Variants in UBE2G2 observed in about 807,000 individuals in gnomAD.
UBE2G2 encodes the protein ubiquitin-conjugating enzyme E2 G2.
UBE2G2 carries 10 observed loss-of-function variants against 23.0 expected under a neutral mutation model. The ratio of observed to expected loss-of-function variants is 0.43; its 90% confidence interval spans 0.27 to 0.74. UBE2G2 has a LOEUF of 0.74. Among genes scored for constraint, UBE2G2 ranks in the 30% least tolerant of loss-of-function variants. UBE2G2 has a pLI of 0.19. For missense variants in UBE2G2, 150 were observed against 218.3 expected (o/e 0.69, Z 1.97); for synonymous variants, 86 against 81.3 (o/e 1.06, Z -0.31).
At chr21:44,774,362 C>T (rs1569293013) in intron 4 of UBE2G2, 2 of 163,414 alleles carry the variant, frequency 1.2e-5, no homozygotes, top group Admixed American at 1.3e-4. Flanking sequence ...TCCTCTTTTA[C>T]ATAAAATTGG....
At chr21:44,776,722 G>A (rs558226461) in intron 4 of UBE2G2, 1 of 153,236 alleles carries the variant, frequency 6.5e-6, no homozygotes, top group Admixed American at 6.5e-5. Flanking sequence ...GTTCCGTAAA[G>A]GGCAGTTCCC....
At chr21:44,798,900 A>C (rs1007137990) in intron 1 of UBE2G2, among the ~76,000 whole-genome samples, 1 of 152,166 alleles carries the variant, frequency 6.6e-6, no homozygotes, top group East Asian at 1.9e-4. Context: ...ATCACTTTTC[A>C]TGGCAGCTAT....
At chr21:44,779,388 G>GT (rs1441181249) in intron 3 of UBE2G2, among the ~76,000 whole-genome samples, 19 of 149,974 alleles carry the variant, frequency 1.3e-4, no homozygotes, top group Non-Finnish European at 2.7e-4. Flanking sequence ...GGGGTACTGT[G>GT]TGACAGTCCC....
intron 1 of UBE2G2, among the ~76,000 whole-genome samples, chr21:44,798,730 C>T (rs990285745): frequency 1.2e-4 from 19 of 152,174 alleles, no homozygotes; most frequent in African/African-American, 4.3e-4. Flanking sequence ...CAGTTGCTTC[C>T]TCCCCTTAAA....
rs893095554 is a variant in UBE2G2 at position 44,771,497 on chromosome 21, A to G, written c.386-8T>C. ...CACTTTCGTCATTGGGCTCTGAAAG[A>G]AAAGGGAACACCCTCCATGTAAAAG... On this transcript the variant is annotated splice_region_variant and splice_polypyrimidine_tract_variant and intron_variant, in intron 5 of 5. Transcript: ENST00000345496. The surrounding 1 kb of genome is among the most constrained non-coding windows in gnomAD (Gnocchi z 4.6). 6.2e-7 allele frequency: 1 copy of G among 1,609,386 alleles called. No individual in the cohort carries two copies. The highest frequency in any genetic ancestry group is 8.5e-7 in the Non-Finnish European group (1 of 1,179,806).
At chr21:44,801,364 C>T (rs2083135871) in intron 1 of UBE2G2, 13 of 1,133,216 alleles carry the variant, frequency 1.1e-5, no homozygotes, top group Non-Finnish European at 1.4e-5. Context: ...CAAGTCAGGC[C>T]TTCTTCCTCA....
intron 1 of UBE2G2, among the ~76,000 whole-genome samples, chr21:44,791,139 T>A (rs2083040373): frequency 6.6e-6 from 1 of 152,122 alleles, no homozygotes; most frequent in Non-Finnish European, 1.5e-5. Flanking sequence ...GATCTGAAAT[T>A]GGAACTCGTG....
At chr21:44,794,635 C>T (rs1167203286) in intron 1 of UBE2G2, among the ~76,000 whole-genome samples, 4 of 151,306 alleles carry the variant, frequency 2.6e-5, no homozygotes, top group African/African-American at 4.9e-5. Context: ...CCCAAGTTCA[C>T]GCCATTCTCC....
chr21:44,785,696 C>T (rs2082991279), intron 3 of UBE2G2: 1 of 152,128 alleles, frequency 6.6e-6, no homozygotes, highest in African/African-American at 2.4e-5. Flanking sequence ...AGATGTCTGC[C>T]AAAATAGCAG....
At position 44,788,776 on chromosome 21, in the gene UBE2G2, CTG is replaced by C. The variant is rs1306938836; in HGVS notation, c.44-683_44-682del. Among the ~76,000 whole-genome samples the C allele has an allele frequency of 2.0e-5, 3 of 148,412 alleles. No homozygotes were observed. In the East Asian group the frequency reaches 6.0e-4, roughly 30 times the overall value. The stretch of plus-strand genomic sequence containing the variant: ...AGTCCAGTGGGCAACCAGAGTGAGA[CTG>C]GGGAAATTAATAAAACAGTAAGCAA... On this transcript the variant is annotated intron_variant, in intron 1 of 5. Transcript: ENST00000345496.
intron 1 of UBE2G2, among the ~76,000 whole-genome samples, chr21:44,790,259 A>G (rs2083032622): frequency 6.6e-6 from 1 of 152,204 alleles, no homozygotes; most frequent in Admixed American, 6.5e-5. Flanking sequence ...GGAATGCAAA[A>G]TGGTTTGGTT....
intron 1 of UBE2G2, among the ~76,000 whole-genome samples, chr21:44,794,097 A>G (rs1312027671): frequency 6.6e-6 from 1 of 152,216 alleles, no homozygotes; most frequent in Non-Finnish European, 1.5e-5. Flanking sequence ...ATCCAATCTG[A>G]CTAATATCCT....
At chr21:44,780,495 A>G (rs2082947755) in intron 3 of UBE2G2, among the ~76,000 whole-genome samples, 1 of 152,252 alleles carries the variant, frequency 6.6e-6, no homozygotes, top group Non-Finnish European at 1.5e-5. Context: ...AATTTTTCAA[A>G]GCCTGCAAAT....
chr21:44,788,177 A>G, intron 1 of UBE2G2, 82 bp from the exon 2 acceptor site: 2 of 1,335,036 alleles, frequency 1.5e-6, no homozygotes, highest in Admixed American at 2.3e-5. Context: ...TACAAAATAT[A>G]TAAGCCTATA....
chr21:44,778,449 G>T (rs1488916316), intron 3 of UBE2G2, among the ~76,000 whole-genome samples: 4 of 152,222 alleles, frequency 2.6e-5, no homozygotes, highest in Non-Finnish European at 4.4e-5. Context: ...GGAAGAAATA[G>T]ATGAAACCAT....
intron 3 of UBE2G2, among the ~76,000 whole-genome samples, chr21:44,786,492 C>T (rs1299680207): frequency 6.6e-6 from 1 of 152,112 alleles, no homozygotes; most frequent in East Asian, 1.9e-4. Context: ...ATCTGAATAG[C>T]GTTTGATGAT....
chr21:44,788,710 T>G (rs550687452), intron 1 of UBE2G2, among the ~76,000 whole-genome samples: 1 of 151,728 alleles, frequency 6.6e-6, no homozygotes, highest in South Asian at 2.1e-4. Flanking sequence ...ACTTTGTTGC[T>G]TAGTTTTGAG....
Position 44,801,692 on chromosome 21 carries a change from G to A in UBE2G2, c.43+14C>T, listed in dbSNP as rs781932850. The A allele has an allele frequency of 6.6e-7, 1 of 1,512,862 alleles. No homozygotes were observed. The highest frequency in any genetic ancestry group is 2.2e-5 in the Admixed American group (1 of 45,546). The allele number at this position is 1,512,862 out of a possible 1,614,324, so 93.7% of individuals were successfully genotyped here. On this transcript the variant is annotated intron_variant, in intron 1 of 5. Coordinates refer to ENST00000345496, the MANE Select transcript of UBE2G2 (RefSeq NM_003343.6). The stretch of plus-strand genomic sequence containing the variant: ...ACGCGGGACGCTGCTGACGGCCCGG[G>A]TCCCCAGACTCACGTTTGTACTCGG...
At chr21:44,797,138 C>T (rs117127339) in intron 1 of UBE2G2, among the ~76,000 whole-genome samples, 107 of 152,308 alleles carry the variant, frequency 7.0e-4, no homozygotes, top group Non-Finnish European at 1.2e-3. Context: ...AGAGTTCTAC[C>T]TTCTACACAT....
Sources: allele counts gnomAD v4.1 joint callset (sites outside exome capture counted in the v4.1 genomes callset), GRCh38; gene constraint gnomAD v4.1.1; non-coding constraint Gnocchi (gnomAD v3.1); transcripts MANE v1.5; gene names NCBI Gene and HGNC (gene_info 2026-07-23, HGNC 2026-07-21).